RAVER2: variants seen among roughly 807,000 people sequenced by gnomAD.
RAVER2 encodes the protein ribonucleoprotein PTB-binding 2.
In RAVER2, 46 loss-of-function variants were observed where a neutral mutation model predicts 78.1. The observed-to-expected ratio is 0.59, with a 90% CI of 0.46 to 0.75. RAVER2 has a LOEUF of 0.75. RAVER2 is among the 30% of genes least tolerant of loss of function. The probability of loss-of-function intolerance (pLI) is 0.00; values close to 1 mark genes in which losing one functional copy is unlikely to be tolerated. For missense variants in RAVER2, 793 were observed against 837.5 expected, an observed-to-expected ratio of 0.95 and a Z score of 0.66; for synonymous variants, 311 against 313.3, an observed-to-expected ratio of 0.99 and a Z score of 0.08.
intron 4 of RAVER2, among the ~76,000 whole-genome samples, chr1:64,787,260 A>G (rs548350485): frequency 2.6e-5 from 4 of 151,830 alleles, no homozygotes; most frequent in African/African-American, 7.3e-5. Flanking sequence ...ATGTCTAGCT[A>G]TTTTTCTTTT....
intron 1 of RAVER2, among the ~76,000 whole-genome samples, chr1:64,750,849 A>G (rs1254321554): frequency 3.3e-5 from 5 of 152,230 alleles, no homozygotes; most frequent in Non-Finnish European, 5.9e-5. Context: ...ATGCAATTAA[A>G]CAGAATTGAA....
In RAVER2 at chr1:64,812,939, A is replaced by T. The variant is rs183013375; in HGVS notation, c.1792+90A>T. 4.5e-3 allele frequency: 3,940 copies of T among 880,670 alleles called. 14 individuals are homozygous for T. Among genetic ancestry groups the T allele is most frequent in the Non-Finnish European group, 6.0e-3 (3,617 of 601,580 alleles). The allele number at this position is 880,670 out of a possible 1,614,324, so 54.6% of individuals were successfully genotyped here. ...TTTAATTTTTGACTTCATGGAAGCA[A>T]ATAATACCTATTGACCAAATTAAGG... On this transcript the variant is annotated intron_variant, in intron 10 of 11. Transcript: ENST00000294428.
At chr1:64,829,875 C>T (rs1329014393) in intron 11 of RAVER2, among the ~76,000 whole-genome samples, 3 of 152,182 alleles carry the variant, frequency 2.0e-5, no homozygotes, top group African/African-American at 2.4e-5. Context: ...GAGGACGCAG[C>T]GTTCTTTCAG....
In RAVER2 at chr1:64,789,446, G is replaced by A. The variant is rs61742612; in HGVS notation, c.1037G>A (p.Ser346Asn). The change falls in exon 5 of 12, where the codon AGT becomes AAT. Residue 346 changes from serine (S) to asparagine (N), a missense_variant. Transcript: ENST00000294428. ...CCAAATCCAGTACAAATTATGAAAA[G>A]TTTAAACAACCCTGCCATGTTGCAA... is the stretch of plus-strand genomic sequence containing the variant. The A allele has an allele frequency of 3.3e-4, 535 of 1,610,068 alleles. 2 individuals are homozygous for A. In the African/African-American group the frequency reaches 6.2e-3, roughly 19 times the overall value.
chr1:64,807,297 GC>G lies in RAVER2; in HGVS notation c.1505del (p.Pro502GlnfsTer56). On this transcript the variant is annotated frameshift_variant, in exon 9 of 12. Coordinates refer to ENST00000294428, the Ensembl canonical transcript of RAVER2. LOFTEE classifies it high-confidence loss of function. ...ATCAGCACATTGCTGGACAGGCTGG[GC>G]CAGGGCACAGTAATACTCAGGAGAA... 3 of 1,614,132 alleles carry G rather than the reference GC, an allele frequency of 1.9e-6. No individual in the cohort carries two copies. The South Asian group carries it at 3.3e-5, about 18-fold the overall frequency.
intron 9 of RAVER2, among the ~76,000 whole-genome samples, chr1:64,808,456 C>CTTTTTTTTTTTTTTTTT (rs71584460): frequency 9.7e-6 from 1 of 103,162 alleles, no homozygotes; most frequent in Non-Finnish European, 1.9e-5. Flanking sequence ...TAATGCAGTC[C>CTTTTTTTTTTTTTTTTT]TTTTTTTTTT....
At chr1:64,748,597 A>G (rs1288446229) in intron 1 of RAVER2, among the ~76,000 whole-genome samples, 1 of 152,222 alleles carries the variant, frequency 6.6e-6, no homozygotes, top group Non-Finnish European at 1.5e-5. Flanking sequence ...TATTAATTTT[A>G]TATTCTATTA....
intron 5 of RAVER2, among the ~76,000 whole-genome samples, chr1:64,801,109 A>G (rs1653250975): frequency 6.7e-6 from 1 of 149,758 alleles, no homozygotes; most frequent in South Asian, 2.1e-4. Context: ...TATTATTATT[A>G]TTATTTTGAA....
chr1:64,786,288 G>A (rs1652777781), intron 4 of RAVER2, among the ~76,000 whole-genome samples: 1 of 152,074 alleles, frequency 6.6e-6, no homozygotes, highest in African/African-American at 2.4e-5. Flanking sequence ...AATCATATTT[G>A]GAAGACTGTG....
intron 11 of RAVER2, among the ~76,000 whole-genome samples, chr1:64,823,582 TAAAAG>T (rs1653936363): frequency 6.6e-6 from 1 of 152,214 alleles, no homozygotes; most frequent in Admixed American, 6.5e-5. Flanking sequence ...AAGTCTACCT[TAAAAG>T]AGAAGCTTTT....
intron 2 of RAVER2, among the ~76,000 whole-genome samples, chr1:64,774,410 C>T (rs932817502): frequency 6.6e-6 from 1 of 152,186 alleles, no homozygotes; most frequent in African/African-American, 2.4e-5. Context: ...AGCCAGTTTT[C>T]CCAATCCCTT....
At chr1:64,765,918 G>A (rs1017592352) in intron 1 of RAVER2, among the ~76,000 whole-genome samples, 4 of 152,156 alleles carry the variant, frequency 2.6e-5, no homozygotes, top group Non-Finnish European at 5.9e-5. Flanking sequence ...TCTGTGAAGA[G>A]CTTAGAAGAC....
intron 4 of RAVER2, among the ~76,000 whole-genome samples, chr1:64,782,720 C>A (rs1652664853): frequency 6.6e-6 from 1 of 152,124 alleles, no homozygotes; most frequent in Admixed American, 6.5e-5. Context: ...GGTCTGGTTG[C>A]AGAGTGAATA....
At chr1:64,797,000 T>C (rs971110058) in intron 5 of RAVER2, among the ~76,000 whole-genome samples, 40 of 152,206 alleles carry the variant, frequency 2.6e-4, no homozygotes, top group Admixed American at 9.8e-4. Context: ...TTGTGTCACT[T>C]AAGTTCCAAA....
At chr1:64,767,213 T>C (rs1375548224) in intron 1 of RAVER2, among the ~76,000 whole-genome samples, 2 of 152,010 alleles carry the variant, frequency 1.3e-5, no homozygotes, top group Non-Finnish European at 2.9e-5. Flanking sequence ...ACTTCTGTCT[T>C]CTTATTTATT....
chr1:64,826,689 A>G (rs898316550), intron 11 of RAVER2, among the ~76,000 whole-genome samples: 4 of 152,176 alleles, frequency 2.6e-5, no homozygotes, highest in African/African-American at 9.7e-5. Context: ...GACTGTATTT[A>G]TAGTTTAACA....
In RAVER2 at chr1:64,812,802, A is replaced by C. The variant is rs749821476; in HGVS notation, c.1745A>C (p.Asn582Thr). The C allele has an allele frequency of 1.9e-5, 30 of 1,612,032 alleles. No individual in the cohort carries two copies. Among genetic ancestry groups the C allele is most frequent in the Non-Finnish European group, 2.5e-5 (29 of 1,179,118 alleles). Residue 582 changes from asparagine to threonine, a missense_variant, in exon 10 of 12, where the codon AAT becomes ACT. Physicochemically the swap from Asn to Thr is moderately conservative, Grantham distance 65. Coordinates refer to ENST00000294428, the Ensembl canonical transcript of RAVER2. ...CCAAAAGAAATTCGGCTCAGTAAAA[A>C]TCCATACTTGAATTTGGCAAGTGTG...
At chr1:64,763,451 C>T (rs1359745619) in intron 1 of RAVER2, among the ~76,000 whole-genome samples, 1 of 152,086 alleles carries the variant, frequency 6.6e-6, no homozygotes, top group African/African-American at 2.4e-5. Context: ...AAATTAAGGC[C>T]ATAGTTGGAT....
chr1:64,819,537 A>G (rs1653834114), intron 11 of RAVER2, among the ~76,000 whole-genome samples: 1 of 152,226 alleles, frequency 6.6e-6, no homozygotes, highest in South Asian at 2.1e-4. Context: ...TCCTGGGAGA[A>G]GAAGAGAAAG....
Sources: allele counts gnomAD v4.1 joint callset (sites outside exome capture counted in the v4.1 genomes callset), GRCh38; gene constraint gnomAD v4.1.1; transcripts MANE v1.5; gene names NCBI Gene and HGNC (gene_info 2026-07-23, HGNC 2026-07-21).